The following DPH6 variants were observed in gnomAD, a reference collection of about 807,000 sequenced individuals.
The protein encoded by DPH6 is diphthine--ammonia ligase.
Under a neutral mutation model 38.2 loss-of-function variants are expected in DPH6, and 33 were observed. The observed-to-expected ratio is 0.86, with a 90% CI of 0.65 to 1.15. The LOEUF is 1.15. Ranked by LOEUF, DPH6 falls within the 50% of genes most tolerant of loss-of-function variation. DPH6 has a pLI of 0.00. For missense variants in DPH6, 325 were observed against 320.0 expected (o/e 1.02, Z -0.12); for synonymous variants, 108 against 103.0 (o/e 1.05, Z -0.30).
At chr15:35,539,731 AG>A (rs2055223988) in intron 2 of DPH6, among the ~76,000 whole-genome samples, 1 of 152,070 alleles carries the variant, frequency 6.6e-6, no homozygotes, top group Non-Finnish European at 1.5e-5. Flanking sequence ...TAAGCCAAAC[AG>A]GTCCAGGCTT....
At chr15:35,518,013 T>A (rs2054871132) in intron 3 of DPH6, among the ~76,000 whole-genome samples, 1 of 152,098 alleles carries the variant, frequency 6.6e-6, no homozygotes, top group Admixed American at 6.6e-5. Flanking sequence ...AACAATTACT[T>A]TACTATTAGA....
intron 3 of DPH6, among the ~76,000 whole-genome samples, chr15:35,343,220 C>A (rs1265119132): frequency 2.0e-5 from 3 of 152,104 alleles, no homozygotes; most frequent in African/African-American, 7.2e-5. Context: ...AAACTCATAT[C>A]TTATCTGTAT....
chr15:35,396,598 CACA>C (rs138999318), intron 6 of DPH6, among the ~76,000 whole-genome samples: 7,844 of 152,234 alleles, frequency 0.052, 271 homozygotes, highest in Middle Eastern at 0.11. Flanking sequence ...TGAATTTTCT[CACA>C]ACATGTAATT....
intron 3 of DPH6, chr15:35,298,422 T>C: frequency 1.3e-6 from 1 of 745,502 alleles, no homozygotes; most frequent in East Asian, 2.7e-5. Context: ...GGCACCAGAA[T>C]TTCAAACAAC....
chr15:35,214,928 G>A (rs377343048), downstream of DPH6, among the ~76,000 whole-genome samples: 157 of 152,164 alleles, frequency 1.0e-3, 7 homozygotes, highest in South Asian at 0.031. Flanking sequence ...CTTCTTAATC[G>A]GTCCATCTGC....
At chr15:35,193,912 A>G in the DPH6 span, among the ~76,000 whole-genome samples, 1 of 152,194 alleles carries the variant, frequency 6.6e-6, no homozygotes, top group Non-Finnish European at 1.5e-5. Context: ...AAGGAAACAA[A>G]TAGACATGGT....
chr15:35,301,696 C>T (rs759738452), intron 3 of DPH6, among the ~76,000 whole-genome samples: 5 of 152,186 alleles, frequency 3.3e-5, no homozygotes, highest in South Asian at 4.1e-4. Flanking sequence ...TTAGGCCGGG[C>T]GTGGTGGCTC....
the DPH6 span, among the ~76,000 whole-genome samples, chr15:35,200,779 T>C: frequency 1.3e-5 from 2 of 151,948 alleles, no homozygotes; most frequent in Non-Finnish European, 2.9e-5. Context: ...TGTATCATCT[T>C]GAAGCAAGTC....
At chr15:35,146,223 A>G in the DPH6 span, among the ~76,000 whole-genome samples, 5 of 152,166 alleles carry the variant, frequency 3.3e-5, no homozygotes, top group Admixed American at 6.5e-5. Context: ...AAAACAAAGT[A>G]AGCTTATAAG....
At chr15:35,413,354 A>G (rs896461555) in intron 5 of DPH6, among the ~76,000 whole-genome samples, 3 of 151,670 alleles carry the variant, frequency 2.0e-5, no homozygotes, top group Non-Finnish European at 4.4e-5. Context: ...ATCTCCATGA[A>G]CCATCAGTTT....
intron 1 of DPH6, among the ~76,000 whole-genome samples, chr15:35,543,264 A>ATATG (rs1272988298): frequency 3.2e-4 from 3 of 9,470 alleles, no homozygotes; most frequent in Non-Finnish European, 8.7e-4. Flanking sequence ...CACATAATAT[A>ATATG]TATATATATA....
At chr15:35,298,354 G>A (rs1312636339) in intron 3 of DPH6, 4 of 661,320 alleles carry the variant, frequency 6.0e-6, no homozygotes, top group Middle Eastern at 4.2e-4. Flanking sequence ...ATAACCGCTT[G>A]AATTGCTGAT....
intron 5 of DPH6, among the ~76,000 whole-genome samples, chr15:35,425,600 G>A (rs1595552440): frequency 6.6e-6 from 1 of 150,772 alleles, no homozygotes; most frequent in Non-Finnish European, 1.5e-5. Flanking sequence ...TAATATATAT[G>A]TATAAAACAT....
chr15:35,245,431 G>T (rs2051630603), intron 3 of DPH6, among the ~76,000 whole-genome samples: 1 of 151,814 alleles, frequency 6.6e-6, no homozygotes, highest in African/African-American at 2.4e-5. Context: ...GTAGAGATGG[G>T]GTTTCACTGT....
intron 3 of DPH6, among the ~76,000 whole-genome samples, chr15:35,283,757 TACAC>T (rs3028682): frequency 0.086 from 12,022 of 140,454 alleles, 715 homozygotes; most frequent in African/African-American, 0.18. Context: ...GCACAGATAG[TACAC>T]ACACACACAC....
intron 4 of DPH6, among the ~76,000 whole-genome samples, chr15:35,452,740 A>G (rs1412905009): frequency 1.3e-5 from 2 of 152,254 alleles, no homozygotes; most frequent in East Asian, 3.8e-4. Flanking sequence ...TGAACTACCC[A>G]TGTAATACAA....
chr15:35,282,119 C>T (rs992256736), intron 3 of DPH6, among the ~76,000 whole-genome samples: 3 of 152,084 alleles, frequency 2.0e-5, no homozygotes, highest in Non-Finnish European at 2.9e-5. Flanking sequence ...TTTTCTAGTT[C>T]GTTGTTTGTT....
At chr15:35,478,045 T>A (rs1324002314) in intron 3 of DPH6, among the ~76,000 whole-genome samples, 1 of 151,840 alleles carries the variant, frequency 6.6e-6, no homozygotes, top group African/African-American at 2.4e-5. Context: ...TAAAATTAAA[T>A]CCATGCCCAG....
At chr15:35,545,468 G>C (rs1409800327) in intron 1 of DPH6, among the ~76,000 whole-genome samples, 1 of 152,216 alleles carries the variant, frequency 6.6e-6, no homozygotes, top group Non-Finnish European at 1.5e-5. Context: ...ACTGGATCTA[G>C]CATAAGACTA....
Sources: allele counts gnomAD v4.1 joint callset (sites outside exome capture counted in the v4.1 genomes callset), GRCh38; gene constraint gnomAD v4.1.1; transcripts MANE v1.5; gene names NCBI Gene and HGNC (gene_info 2026-07-23, HGNC 2026-07-21).